The following NEK11 variants were observed in gnomAD, a reference collection of about 807,000 sequenced individuals.
NEK11 encodes NIMA related kinase 11.
In NEK11, 72 loss-of-function variants were observed where a neutral mutation model predicts 80.7. The ratio of observed to expected loss-of-function variants is 0.89; its 90% CI spans 0.74 to 1.08. NEK11 has a LOEUF of 1.08. Among genes scored for constraint, NEK11 ranks in the 50% least tolerant of loss-of-function variants. NEK11 has a pLI of 0.00. For synonymous variants in NEK11, 251 were observed against 260.7 expected, an observed-to-expected ratio of 0.96 and a Z score of 0.36; for missense variants, 764 against 763.6, an observed-to-expected ratio of 1.00 and a Z score of -0.01.
chr3:131,046,342 CTG>C (rs1474551306), intron 3 of NEK11, among the ~76,000 whole-genome samples: 4 of 152,108 alleles, frequency 2.6e-5, no homozygotes, highest in Non-Finnish European at 2.9e-5. Flanking sequence ...CTGAAAAAGA[CTG>C]TATCTTTTTT....
At chr3:131,267,070 G>A (rs1448408760) in intron 16 of NEK11, among the ~76,000 whole-genome samples, 1 of 151,878 alleles carries the variant, frequency 6.6e-6, no homozygotes, top group East Asian at 1.9e-4. Context: ...TTTATTTTGA[G>A]CCTATGTGTG....
intron 3 of NEK11, among the ~76,000 whole-genome samples, chr3:131,033,719 A>G (rs924746346): frequency 3.3e-5 from 5 of 152,216 alleles, no homozygotes; most frequent in Non-Finnish European, 7.4e-5. Flanking sequence ...TTTAATTACA[A>G]TGTAAATACC....
At chr3:131,207,267 G>C (rs1480335846) in intron 14 of NEK11, among the ~76,000 whole-genome samples, 1 of 152,190 alleles carries the variant, frequency 6.6e-6, no homozygotes, top group Non-Finnish European at 1.5e-5. Context: ...GGTTGAACTA[G>C]TTTACAGTCC....
intron 14 of NEK11, among the ~76,000 whole-genome samples, chr3:131,215,032 T>C (rs1326269407): frequency 1.3e-5 from 2 of 152,176 alleles, no homozygotes; most frequent in Non-Finnish European, 2.9e-5. Flanking sequence ...GAAAGCATCA[T>C]GGCAAACCAA....
chr3:131,218,483 A>T (rs1408197824), intron 14 of NEK11, among the ~76,000 whole-genome samples: 1 of 152,188 alleles, frequency 6.6e-6, no homozygotes, highest in Non-Finnish European at 1.5e-5. Flanking sequence ...TTCAGTAAGG[A>T]GGGCTTCTTT....
chr3:131,261,390 A>C (rs2095916608), intron 16 of NEK11, among the ~76,000 whole-genome samples: 1 of 152,214 alleles, frequency 6.6e-6, no homozygotes, highest in South Asian at 2.1e-4. Context: ...TGCCTGACAT[A>C]ATGCTCATAA....
intron 17 of NEK11, among the ~76,000 whole-genome samples, chr3:131,322,753 C>T (rs2096909951): frequency 6.6e-6 from 1 of 152,186 alleles, no homozygotes; most frequent in African/African-American, 2.4e-5. Flanking sequence ...TTGTGATGGC[C>T]TTGGCTCCTC....
At chr3:131,198,791 C>T (rs981048181) in intron 14 of NEK11, among the ~76,000 whole-genome samples, 1 of 152,190 alleles carries the variant, frequency 6.6e-6, no homozygotes, top group Non-Finnish European at 1.5e-5. Flanking sequence ...TTCTTTAGAG[C>T]CTGGAAAGCT....
intron 16 of NEK11, among the ~76,000 whole-genome samples, chr3:131,248,204 T>C (rs1386864107): frequency 6.6e-6 from 1 of 152,106 alleles, no homozygotes; most frequent in Non-Finnish European, 1.5e-5. Context: ...CTTTTCCCCA[T>C]TCAGTATGAT....
chr3:131,342,668 C>T (rs1238391232), intron 17 of NEK11, among the ~76,000 whole-genome samples: 1 of 151,328 alleles, frequency 6.6e-6, no homozygotes, highest in African/African-American at 2.4e-5. Context: ...GATTGCTATG[C>T]AATTCACCAC....
At chr3:131,276,336 C>CAG (rs1432699200) in intron 17 of NEK11, among the ~76,000 whole-genome samples, 3 of 152,144 alleles carry the variant, frequency 2.0e-5, no homozygotes, top group Non-Finnish European at 2.9e-5. Context: ...GCAGACTGGT[C>CAG]AGGGAGAAGT....
At chr3:131,168,747 C>T in intron 12 of NEK11, 83 bp from the exon 13 acceptor site, 1 of 857,582 alleles carries the variant, frequency 1.2e-6, no homozygotes, top group Non-Finnish European at 1.8e-6. Flanking sequence ...AGAAAATGGG[C>T]CTCCTGAAAG....
At chr3:131,142,557 A>G (rs2087185402) in intron 7 of NEK11, among the ~76,000 whole-genome samples, 1 of 152,210 alleles carries the variant, frequency 6.6e-6, no homozygotes, top group South Asian at 2.1e-4. Flanking sequence ...CGGTCTTAAT[A>G]GAGTGGCTGA....
intron 16 of NEK11, among the ~76,000 whole-genome samples, chr3:131,271,286 T>C (rs2096179804): frequency 6.6e-6 from 1 of 152,344 alleles, no homozygotes; most frequent in Non-Finnish European, 1.5e-5. Flanking sequence ...TATTATGCCC[T>C]TTACAAGGTT....
intron 7 of NEK11, among the ~76,000 whole-genome samples, chr3:131,150,556 G>T (rs1191199315): frequency 6.6e-6 from 1 of 151,808 alleles, no homozygotes; most frequent in Non-Finnish European, 1.5e-5. Flanking sequence ...TGTTTGTATG[G>T]TTTTTCTATC....
At position 131,109,871 on chromosome 3, in the gene NEK11, A is replaced by T; in HGVS notation, c.405A>T (p.Ile135=). 1 of 1,603,980 alleles carries T rather than the reference A, an allele frequency of 6.2e-7. No homozygotes were observed. The highest frequency in any genetic ancestry group is 8.5e-7 in the Non-Finnish European group (1 of 1,176,152). Residue 135 remains isoleucine (I), a synonymous_variant, in exon 5 of 18, where the codon ATA becomes ATT. Transcript: ENST00000383366. The part of the protein sequence containing the change: ...QAGKIFPENQ[I]IEWFIQLLLG... ...GAAAAATCTTTCCAGAAAATCAAATAATAGAATGGTTTATCCAGCTGCTGC... is the reference window on the plus strand; with the variant it reads ...GAAAAATCTTTCCAGAAAATCAAATTATAGAATGGTTTATCCAGCTGCTGC...
chr3:131,216,371 A>G (rs1409046252), intron 14 of NEK11, among the ~76,000 whole-genome samples: 1 of 152,236 alleles, frequency 6.6e-6, no homozygotes, highest in Admixed American at 6.5e-5. Context: ...TGCCAAACTT[A>G]AGATTTTATA....
intron 14 of NEK11, among the ~76,000 whole-genome samples, chr3:131,211,520 G>T (rs970937676): frequency 3.9e-5 from 6 of 152,166 alleles, no homozygotes; most frequent in African/African-American, 1.4e-4. Context: ...GGCCTGCCTT[G>T]CTAGGTTGGG....
chr3:131,321,523 GCTT>G (rs3050075), intron 17 of NEK11, among the ~76,000 whole-genome samples: 15,187 of 152,046 alleles, frequency 0.1, 1,206 homozygotes, highest in African/African-American at 0.22. Context: ...AAATGAAAAA[GCTT>G]CTGCACAGCC....
Sources: allele counts gnomAD v4.1 joint callset (sites outside exome capture counted in the v4.1 genomes callset), GRCh38; gene constraint gnomAD v4.1.1; transcripts MANE v1.5; gene names NCBI Gene and HGNC (gene_info 2026-07-23, HGNC 2026-07-21).